The following PIP5K1A variants were observed in gnomAD, a reference collection of about 807,000 sequenced individuals.
PIP5K1A encodes the protein phosphatidylinositol-4-phosphate 5-kinase type 1 alpha, also known as phosphatidylinositol 4-phosphate 5-kinase type-1 alpha.
A neutral mutation model predicts 72.9 loss-of-function variants in PIP5K1A; 46 were observed. The ratio of observed to expected loss-of-function variants is 0.63; its 90% confidence interval spans 0.50 to 0.81. PIP5K1A has a LOEUF of 0.81. Among genes scored for constraint, PIP5K1A ranks in the 30% least tolerant of loss-of-function variants. The probability of loss-of-function intolerance (pLI) is 0.00; values close to 1 mark genes in which losing one functional copy is unlikely to be tolerated. For synonymous variants in PIP5K1A, 228 were observed against 255.1 expected (o/e 0.89, Z 1.01); for missense variants, 458 against 706.1 (o/e 0.65, Z 3.98).
chr1:151,211,019 A>T (rs185112333), intron 1 of PIP5K1A, among the ~76,000 whole-genome samples: 1 of 152,250 alleles, frequency 6.6e-6, no homozygotes, highest in East Asian at 1.9e-4. Context: ...AGTGTCCCCA[A>T]ATTATATGTT....
At chr1:151,215,906 C>CTG in intron 1 of PIP5K1A, 1 of 1,005,062 alleles carries the variant, frequency 9.9e-7, no homozygotes, top group Non-Finnish European at 1.4e-6. Flanking sequence ...GCTTATCATG[C>CTG]TGTAAGCAAA....
Position 151,242,439 on chromosome 1 carries a change from C to G in PIP5K1A, c.1512C>G (p.Gly504=), listed in dbSNP as rs375093897. The G allele has an allele frequency of 1.9e-6, 3 of 1,613,614 alleles. No individual in the cohort carries two copies. Among genetic ancestry groups the G allele is most frequent in the East Asian group, 2.2e-5 (1 of 44,880 alleles). ...CCATCTTCTCTATCTTTTTTCCAGG[C>G]GTTCACCTTGGTCGTCCTGATGTTT... is the stretch of plus-strand genomic sequence containing the variant. ...QVTTKAEVEP[G]VHLGRPDVLP... is the part of the protein sequence containing the mutation. Residue 504 remains glycine, a splice_region_variant and synonymous_variant, in exon 14 of 16, where the codon GGC becomes GGG. Transcript: ENST00000368888.
intron 1 of PIP5K1A, among the ~76,000 whole-genome samples, chr1:151,219,851 C>CTTTTTTTTT (rs71237867): frequency 1.0e-5 from 1 of 98,700 alleles, no homozygotes; most frequent in Non-Finnish European, 1.9e-5. Flanking sequence ...ATATTCTTTC[C>CTTTTTTTTT]TTTTTTTTTT....
rs188225516 is a variant in PIP5K1A, at chr1:151,247,486, C to T, written c.1687-377C>T. Among the ~76,000 whole-genome samples the T allele has an allele frequency of 4.1e-4, 62 of 152,012 alleles. No homozygotes were observed. The East Asian group carries it at 7.7e-3, about 19-fold the overall frequency. ...TGTCACCCAGGCTGGAGTGCAGTGG[C>T]GCGATCTCGGCTCACTGCAAGCTAC... On this transcript the variant is annotated intron_variant, in intron 15 of 15. Transcript: ENST00000368888.
chr1:151,200,961 C>G (rs1283012973), intron 1 of PIP5K1A, among the ~76,000 whole-genome samples: 1 of 152,028 alleles, frequency 6.6e-6, no homozygotes. Context: ...TCCCGAGTAG[C>G]TGGGACTACA....
Position 151,226,353 on chromosome 1 carries a change from A to G in PIP5K1A, c.157-967A>G, listed in dbSNP as rs752619486. Among the ~76,000 whole-genome samples, 3 of 151,836 alleles carry G rather than the reference A, an allele frequency of 2.0e-5. No homozygotes were observed. In the East Asian group the frequency reaches 5.9e-4, roughly 30 times the overall value. On this transcript the variant is annotated intron_variant, in intron 3 of 15. Coordinates refer to ENST00000368888, the MANE Select transcript of PIP5K1A (RefSeq NM_001135638.2). ...ACTTGCCTCCACCTCCCAAAGTGCT[A>G]GTATTACAGGTGTGAGCCACCGCAC...
rs16833100 is a variant in PIP5K1A, at chr1:151,237,248, T to C, written c.1145+485T>C. On this transcript the variant is annotated intron_variant, in intron 9 of 15. Transcript: ENST00000368888. The stretch of plus-strand genomic sequence containing the variant: ...TAGAATGAGCTTGAACGAGCTTTCT[T>C]AATACAAAATGAAAAGAAGATTAAT... Among the ~76,000 whole-genome samples, 1,339 of 152,332 alleles carry C rather than the reference T, an allele frequency of 8.8e-3. 28 individuals are homozygous for C. The highest frequency in any genetic ancestry group is 0.031 in the African/African-American group (1,269 of 41,570).
intron 4 of PIP5K1A, among the ~76,000 whole-genome samples, chr1:151,227,951 CTGGGT>C (rs1689401099): frequency 6.6e-6 from 1 of 152,124 alleles, no homozygotes. Flanking sequence ...GCTGAAGAAA[CTGGGT>C]TTCCCTGTTA....
intron 1 of PIP5K1A, among the ~76,000 whole-genome samples, chr1:151,204,051 T>C (rs777226067): frequency 4.6e-5 from 7 of 152,266 alleles, no homozygotes; most frequent in Non-Finnish European, 1.0e-4. Flanking sequence ...GCATTTTTGC[T>C]TGGGACTTTT....
chr1:151,217,362 A>G (rs1687788086), intron 1 of PIP5K1A, among the ~76,000 whole-genome samples: 1 of 152,010 alleles, frequency 6.6e-6, no homozygotes, highest in South Asian at 2.1e-4. Context: ...TCCCCTCACT[A>G]ATTTGAAATT....
chr1:151,204,970 ACT>A (rs1337668638), intron 1 of PIP5K1A, among the ~76,000 whole-genome samples: 1 of 151,878 alleles, frequency 6.6e-6, no homozygotes, highest in Non-Finnish European at 1.5e-5. Context: ...TTAATTTAAA[ACT>A]CTTCTGATTA....
At chr1:151,215,385 T>G (rs1570813441) in intron 1 of PIP5K1A, among the ~76,000 whole-genome samples, 1 of 145,994 alleles carries the variant, frequency 6.8e-6, no homozygotes, top group Non-Finnish European at 1.5e-5. Flanking sequence ...CAGCCTGGAG[T>G]GCAAAGGCAA....
intron 4 of PIP5K1A, among the ~76,000 whole-genome samples, chr1:151,228,292 CA>C (rs2102532479): frequency 6.6e-6 from 1 of 152,214 alleles, no homozygotes; most frequent in African/African-American, 2.4e-5. Context: ...GCTGGGACTA[CA>C]GGTGCACACC....
chr1:151,213,731 TAATG>T (rs1248389997), intron 1 of PIP5K1A, among the ~76,000 whole-genome samples: 1 of 152,182 alleles, frequency 6.6e-6, no homozygotes, highest in Non-Finnish European at 1.5e-5. Context: ...GAGCTTGAGT[TAATG>T]TGTGTGTGGG....
intron 1 of PIP5K1A, among the ~76,000 whole-genome samples, chr1:151,219,092 G>A (rs1346817843): frequency 6.6e-6 from 1 of 151,820 alleles, no homozygotes; most frequent in Non-Finnish European, 1.5e-5. Context: ...TTGAAAATTG[G>A]AAAGTAGGCT....
chr1:151,215,110 A>G (rs142339463), intron 1 of PIP5K1A, among the ~76,000 whole-genome samples: 2,559 of 135,112 alleles, frequency 0.019, 41 homozygotes, highest in Middle Eastern at 0.029. Context: ...AGCTCACTGT[A>G]TCCTCCGCCT....
At chr1:151,197,419 A>T (rs1684660359), upstream of PIP5K1A, among the ~76,000 whole-genome samples, 1 of 151,866 alleles carries the variant, frequency 6.6e-6, no homozygotes, top group South Asian at 2.1e-4. Context: ...GCCTGGGACT[A>T]CAGGCGCCCG....
Position 151,216,366 on chromosome 1 carries a change from A to T in PIP5K1A, c.86-7879A>T, listed in dbSNP as rs969025118. On this transcript the variant is annotated intron_variant, in intron 1 of 15. Transcript: ENST00000368888. Reference sequence around the variant, plus strand: ...TCCGTCTCAAAAAAAAAAAAAAAAAACAGTTGCAGACTTCTTGGAGTGGTA... The same window carrying T: ...TCCGTCTCAAAAAAAAAAAAAAAAATCAGTTGCAGACTTCTTGGAGTGGTA... Among the ~76,000 whole-genome samples, 4 of 151,770 alleles carry T rather than the reference A, an allele frequency of 2.6e-5. No individual in the cohort carries two copies. In the South Asian group the frequency reaches 8.4e-4, roughly 32 times the overall value.
chr1:151,223,465 G>GTCTCTACT (rs1688680846), intron 1 of PIP5K1A, among the ~76,000 whole-genome samples: 1 of 150,914 alleles, frequency 6.6e-6, no homozygotes, highest in Non-Finnish European at 1.5e-5. Context: ...CTAACACGGT[G>GTCTCTACT]AAACCCTGTC....
Sources: allele counts gnomAD v4.1 joint callset (sites outside exome capture counted in the v4.1 genomes callset), GRCh38; gene constraint gnomAD v4.1.1; transcripts MANE v1.5; gene names NCBI Gene and HGNC (gene_info 2026-07-23, HGNC 2026-07-21).